PPARGC1B: variants seen among roughly 807,000 people sequenced by gnomAD.
The protein encoded by PPARGC1B is PPARG coactivator 1 beta.
A neutral mutation model predicts 101.6 loss-of-function variants in PPARGC1B; 34 were observed. The ratio of observed to expected loss-of-function variants is 0.33; its 90% CI spans 0.25 to 0.45. The LOEUF (loss-of-function observed/expected upper bound fraction) is 0.45. Ranked by LOEUF, PPARGC1B falls within the 20% of genes least tolerant of loss-of-function variation. The pLI, the probability that PPARGC1B is intolerant of heterozygous loss-of-function variation, is 1.00. For synonymous variants in PPARGC1B, 548 were observed against 539.3 expected, an observed-to-expected ratio of 1.02 and a Z score of -0.22; for missense variants, 1,234 against 1,317.6, an observed-to-expected ratio of 0.94 and a Z score of 0.98.
At chr5:149,735,505 A>G (rs1295986450) in intron 1 of PPARGC1B, among the ~76,000 whole-genome samples, 1 of 152,192 alleles carries the variant, frequency 6.6e-6, no homozygotes, top group Non-Finnish European at 1.5e-5. Context: ...CTTCTCCTTC[A>G]TCGTCATCAT....
Position 149,853,492 on chromosome 5 carries a change from C to T in PPARGC1B, c.*5934C>T, listed in dbSNP as rs1258263579. ...GGAAGGGTTTACTGTAACTGCAATA[C>T]TGGCAGCCCAGCTGCTGACCTTGTT... On this transcript the variant is annotated 3_prime_UTR_variant, in exon 12 of 12. Coordinates refer to ENST00000309241, the MANE Select transcript of PPARGC1B (RefSeq NM_133263.4). This position sits in a 1 kb window ranked among gnomAD's most constrained non-coding sequence, Gnocchi z 4.2. 1 of 152,238 alleles carries T rather than the reference C, an allele frequency of 6.6e-6. No homozygotes were observed. Among genetic ancestry groups the T allele is most frequent in the African/African-American group, 2.4e-5 (1 of 41,462 alleles). 9.4% of individuals were successfully genotyped at this position (152,238 alleles called of 1,614,324 possible).
At chr5:149,822,311 A>G (rs1758333555) in intron 2 of PPARGC1B, among the ~76,000 whole-genome samples, 2 of 152,160 alleles carry the variant, frequency 1.3e-5, no homozygotes, top group South Asian at 2.1e-4. Context: ...GCTTTCAGGC[A>G]CAAGTAAGCT....
At chr5:149,778,990 G>A (rs1034297135) in intron 1 of PPARGC1B, among the ~76,000 whole-genome samples, 5 of 152,108 alleles carry the variant, frequency 3.3e-5, no homozygotes, top group African/African-American at 4.8e-5. Flanking sequence ...TGTCTAGGGA[G>A]CCCTAGAAAG....
chr5:149,815,508 G>A (rs1194230281), intron 1 of PPARGC1B, among the ~76,000 whole-genome samples: 1 of 152,040 alleles, frequency 6.6e-6, no homozygotes, highest in East Asian at 1.9e-4. Context: ...ACCCAGTTGT[G>A]GTCCTTTGTT....
chr5:149,826,894 C>G lies in PPARGC1B; in HGVS notation c.465+9C>G. The stretch of plus-strand genomic sequence containing the variant: ...TGGACGAGCTCTCACTGGTAAGAAC[C>G]TACTTACAGCAGAAGTGATGGTTGC... On this transcript the variant is annotated intron_variant, in intron 3 of 11. Coordinates refer to ENST00000309241, the MANE Select transcript of PPARGC1B (RefSeq NM_133263.4). 8 of 1,593,006 alleles carry G rather than the reference C, an allele frequency of 5.0e-6. No homozygotes were observed. The highest frequency in any genetic ancestry group is 5.2e-6 in the Non-Finnish European group (6 of 1,164,766).
At chr5:149,766,121 G>A (rs575619876) in intron 1 of PPARGC1B, among the ~76,000 whole-genome samples, 1 of 152,256 alleles carries the variant, frequency 6.6e-6, no homozygotes, top group African/African-American at 2.4e-5. Context: ...TACAAATGAT[G>A]TTGCCACCTT....
rs538305854 is a variant in PPARGC1B at position 149,812,672 on chromosome 5, T to C, written c.79-7761T>C. Among the ~76,000 whole-genome samples the C allele has an allele frequency of 6.4e-4, 98 of 152,362 alleles. 1 individual carries two copies. Among genetic ancestry groups the C allele is most frequent in the African/African-American group, 2.1e-3 (89 of 41,588 alleles). Reference sequence around the variant, plus strand: ...TCTGGCTTCTTTCTCAGGCAGGCCCTTTGCAGGTAGTGGCAAAGAGGGCTG... The same window carrying C: ...TCTGGCTTCTTTCTCAGGCAGGCCCCTTGCAGGTAGTGGCAAAGAGGGCTG... On this transcript the variant is annotated intron_variant, in intron 1 of 11. Coordinates refer to ENST00000309241, the MANE Select transcript of PPARGC1B (RefSeq NM_133263.4).
At chr5:149,800,498 T>C (rs540465026) in intron 1 of PPARGC1B, among the ~76,000 whole-genome samples, 1 of 152,338 alleles carries the variant, frequency 6.6e-6, no homozygotes, top group South Asian at 2.1e-4. Flanking sequence ...TGAATCCCAG[T>C]TTCAGCACTC....
chr5:149,778,934 C>T (rs73265621), intron 1 of PPARGC1B, among the ~76,000 whole-genome samples: 110 of 152,218 alleles, frequency 7.2e-4, no homozygotes, highest in African/African-American at 2.5e-3. Flanking sequence ...GGGAGATGAC[C>T]CATGCCTAGC....
At chr5:149,804,461 G>A (rs1235638285) in intron 1 of PPARGC1B, among the ~76,000 whole-genome samples, 1 of 152,200 alleles carries the variant, frequency 6.6e-6, no homozygotes, top group Non-Finnish European at 1.5e-5. Flanking sequence ...ATCACTTGAG[G>A]TCAGGAGCTT....
At chr5:149,745,317 T>C (rs753028866) in intron 1 of PPARGC1B, among the ~76,000 whole-genome samples, 5 of 152,222 alleles carry the variant, frequency 3.3e-5, no homozygotes, top group Non-Finnish European at 7.3e-5. Flanking sequence ...TTGGTAGAAC[T>C]AATCAGTGGT....
intron 1 of PPARGC1B, among the ~76,000 whole-genome samples, chr5:149,792,534 G>C (rs1339041419): frequency 6.6e-6 from 1 of 152,204 alleles, no homozygotes; most frequent in African/African-American, 2.4e-5. Flanking sequence ...TGTGATTTTA[G>C]AGATGTCGGC....
chr5:149,836,270 C>T lies in PPARGC1B; in HGVS notation c.1815C>T (p.Thr605=). The part of the protein sequence containing the change: ...TVELCGTAGL[T]PPTTPPYKPT... The stretch of plus-strand genomic sequence containing the variant: ...CTCCTCTTCCTCGGGCAGGACTCAC[C>T]CCACCCACCACACCACCGTACAAGC... Residue 605 remains threonine (T), a synonymous_variant, in exon 8 of 12, where the codon ACC becomes ACT. Transcript: ENST00000309241. The T allele has an allele frequency of 1.3e-6, 2 of 1,564,614 alleles. No individual in the cohort carries two copies. The highest frequency in any genetic ancestry group is 1.7e-6 in the Non-Finnish European group (2 of 1,156,530).
chr5:149,835,957 T>C (rs73267766), intron 7 of PPARGC1B, among the ~76,000 whole-genome samples: 191 of 128,964 alleles, frequency 1.5e-3, no homozygotes, highest in African/African-American at 4.3e-3. Flanking sequence ...CTTTTTTTTT[T>C]CTTTTTTTTT....
In PPARGC1B at chr5:149,836,893, G is replaced by A; in HGVS notation, c.2438G>A (p.Gly813Glu). 1 of 1,612,788 alleles carries A rather than the reference G, an allele frequency of 6.2e-7. No individual in the cohort carries two copies. The highest frequency in any genetic ancestry group is 8.5e-7 in the Non-Finnish European group (1 of 1,179,712). The change falls in exon 8 of 12, where the codon GGG becomes GAG. Residue 813 changes from glycine (G) to glutamate (E), a missense_variant. Around this residue, in one of 3 missense-constraint regions of PPARGC1B, gnomAD observed 497 missense variants for 529.5 expected, o/e 0.94. Coordinates refer to ENST00000309241, the MANE Select transcript of PPARGC1B (RefSeq NM_133263.4). ...CTCCCAGAGGAGGAAGAGGAAGAAG[G>A]GGAGGAGGAGGAGGAGGACGATGAA... Reference protein sequence around the residue: ...SFLPEEEEEEGEEEEEDDEEE... With the variant: ...SFLPEEEEEEEEEEEEDDEEE...
intron 1 of PPARGC1B, among the ~76,000 whole-genome samples, chr5:149,794,523 TGC>T (rs1019720508): frequency 3.5e-5 from 2 of 57,058 alleles, no homozygotes; most frequent in African/African-American, 1.3e-4. Context: ...TATGTGAGCG[TGC>T]ACACACACAC....
At chr5:149,814,900 G>C (rs1030287798) in intron 1 of PPARGC1B, among the ~76,000 whole-genome samples, 2 of 152,236 alleles carry the variant, frequency 1.3e-5, no homozygotes, top group Non-Finnish European at 2.9e-5. Context: ...GGCACGTTGA[G>C]GGGCCAGAGA....
chr5:149,799,791 G>C (rs566689201), intron 1 of PPARGC1B, among the ~76,000 whole-genome samples: 1 of 132,064 alleles, frequency 7.6e-6, no homozygotes, highest in Non-Finnish European at 1.5e-5. Flanking sequence ...TCCGCCTCCC[G>C]GGTTCAAGTG....
chr5:149,765,336 C>T (rs1755870416), intron 1 of PPARGC1B, among the ~76,000 whole-genome samples: 1 of 152,206 alleles, frequency 6.6e-6, no homozygotes, highest in African/African-American at 2.4e-5. Context: ...AGGCCTCTCT[C>T]CAGGACCCCG....
Sources: gnomAD v4.1 joint callset for allele counts (sites outside exome capture counted in the v4.1 genomes callset) on GRCh38, gnomAD v4.1.1 for gene constraint, gnomAD v4.1.1 regional missense constraint, Gnocchi (gnomAD v3.1) non-coding constraint, MANE v1.5 for transcripts, NCBI Gene and HGNC (gene_info 2026-07-23, HGNC 2026-07-21) for gene names.